Variants in GNB1L observed in about 807,000 individuals in gnomAD.
The protein encoded by GNB1L is guanine nucleotide-binding protein subunit beta-like protein 1.
In GNB1L, 20 loss-of-function variants were observed where a neutral mutation model predicts 29.1. That is an observed-to-expected ratio of 0.69 (90% confidence interval 0.48 to 1.00). The LOEUF (loss-of-function observed/expected upper bound fraction) is 1.00. Among genes scored for constraint, GNB1L ranks in the 50% least tolerant of loss-of-function variants. The probability of loss-of-function intolerance (pLI) is 0.00; values close to 1 mark genes in which losing one functional copy is unlikely to be tolerated. For missense variants in GNB1L, 421 were observed against 464.9 expected (o/e 0.91, Z 0.87); for synonymous variants, 193 against 206.5 (o/e 0.93, Z 0.56).
At chr22:19,849,154 T>A (rs1236554986) in intron 2 of GNB1L, 1 of 985,296 alleles carries the variant, frequency 1.0e-6, no homozygotes, top group Non-Finnish European at 1.2e-6. Context: ...GGGTTTCTTC[T>A]GCCAGCTCAC....
At position 19,786,864 on chromosome 22, in the gene GNB1L, G is replaced by C. The variant is rs867022872; in HGVS notation, c.*1845C>G. ...CTCAGTGATATGAAAATACCTCCCGGAGTGCCCTACGCATCCTGGCGGCTA... is the reference window on the plus strand; with the variant it reads ...CTCAGTGATATGAAAATACCTCCCGCAGTGCCCTACGCATCCTGGCGGCTA... On this transcript the variant is annotated 3_prime_UTR_variant, in exon 8 of 8. Coordinates refer to ENST00000329517, the MANE Select transcript of GNB1L (RefSeq NM_053004.3). The C allele has an allele frequency of 2.6e-5, 4 of 152,294 alleles. No individual in the cohort carries two copies. Among genetic ancestry groups the C allele is most frequent in the Non-Finnish European group, 5.9e-5 (4 of 68,100 alleles). 9.4% of individuals were successfully genotyped at this position (152,294 alleles called of 1,614,324 possible).
In GNB1L at chr22:19,816,877, C is replaced by T. The variant is rs919102472; in HGVS notation, c.254+3721G>A. On this transcript the variant is annotated intron_variant, in intron 4 of 7. Coordinates refer to ENST00000329517, the MANE Select transcript of GNB1L (RefSeq NM_053004.3). This position sits in a 1 kb window ranked among gnomAD's most constrained non-coding sequence, Gnocchi z 4.4. ...CTCCTGGCCTCCCAGGCTGCCGCTG[C>T]CACACCACCCCCCCAACCCTGCTTC... 6.6e-6 allele frequency among the ~76,000 whole-genome samples: 1 copy of T among 152,194 alleles called. No individual in the cohort carries two copies. The highest frequency in any genetic ancestry group is 1.5e-5 in the Non-Finnish European group (1 of 68,032).
intron 2 of GNB1L, chr22:19,846,344 C>A: frequency 2.3e-6 from 2 of 862,032 alleles, no homozygotes; most frequent in Non-Finnish European, 2.8e-6. Context: ...CTTTGTACCC[C>A]CCAGGTAGGG....
chr22:19,843,175 G>A (rs754161198), intron 2 of GNB1L, among the ~76,000 whole-genome samples: 6 of 152,176 alleles, frequency 3.9e-5, no homozygotes, highest in Admixed American at 2.6e-4. Context: ...CTCTCAGCCC[G>A]TCTGTCAACA....
At chr22:19,848,679 C>T in intron 2 of GNB1L, 2 of 985,452 alleles carry the variant, frequency 2.0e-6, no homozygotes, top group Non-Finnish European at 2.4e-6. Context: ...TCAAGCCTGC[C>T]TAGGTGGATG....
At chr22:19,828,877 G>A (rs1408701912) in intron 2 of GNB1L, among the ~76,000 whole-genome samples, 1 of 151,414 alleles carries the variant, frequency 6.6e-6, no homozygotes, top group Non-Finnish European at 1.5e-5. Flanking sequence ...TGTCACCCAG[G>A]CTGGAGTGCA....
intron 2 of GNB1L, 92 bp from the exon 3 acceptor site, chr22:19,821,467 C>T (rs1937578888): frequency 7.9e-7 from 1 of 1,273,386 alleles, no homozygotes; most frequent in African/African-American, 1.5e-5. Context: ...GAGATGTTGC[C>T]CCTGCTCATT....
At position 19,812,431 on chromosome 22, in the gene GNB1L, T is replaced by G. The variant is rs748472617; in HGVS notation, c.271A>C (p.Lys91Gln). The change falls in exon 5 of 8, where the codon AAG becomes CAG. Residue 91 changes from lysine (K) to glutamine (Q), a missense_variant. Coordinates refer to ENST00000329517, the MANE Select transcript of GNB1L (RefSeq NM_053004.3). Reference protein sequence around the residue: ...RQLLSQGRDLKLCLWDLAEGR... With the variant: ...RQLLSQGRDLQLCLWDLAEGR... ...TCCGCGAGGTCCCACAGGCACAGCT[T>G]CAGGTCCCGGCCCTGACTGCCAGAC... 6.2e-7 allele frequency: 1 copy of G among 1,612,752 alleles called. No individual in the cohort carries two copies. Among genetic ancestry groups the G allele is most frequent in the East Asian group, 2.2e-5 (1 of 44,840 alleles).
intron 7 of GNB1L, 52 bp from the exon 8 acceptor site, chr22:19,789,012 G>A: frequency 1.3e-6 from 2 of 1,538,960 alleles, no homozygotes; most frequent in Non-Finnish European, 1.8e-6. Flanking sequence ...ACAAGGCAGT[G>A]CTGCCCCTGG....
At chr22:19,852,395 A>C in intron 2 of GNB1L, 1 of 925,126 alleles carries the variant, frequency 1.1e-6, no homozygotes, top group Non-Finnish European at 1.6e-6. Flanking sequence ...GGTCCAGGCA[A>C]GTGCTGAGGA....
chr22:19,820,722 A>G lies in GNB1L; in HGVS notation c.130T>C (p.Ser44Pro), dbSNP rs1376315773. Residue 44 changes from serine to proline, a missense_variant and splice_region_variant, in exon 4 of 8, where the codon TCT becomes CCT. By Grantham distance (74) the Ser-to-Pro change is moderately conservative (BLOSUM62 -1). Coordinates refer to ENST00000329517, the MANE Select transcript of GNB1L (RefSeq NM_053004.3). ...CAGATGTGTACCAGGCCACTCTGAG[A>G]CCTGTTTCAGACAAGCCGAGCAGGG... ...AQGRPLLFSGSQSGLVHIWSL... is the reference protein window; with the variant it reads ...AQGRPLLFSGPQSGLVHIWSL... 2 of 1,610,260 alleles carry G rather than the reference A, an allele frequency of 1.2e-6. No homozygotes were observed. The highest frequency in any genetic ancestry group is 1.1e-5 in the South Asian group (1 of 90,950).
At chr22:19,835,401 CAAA>C (rs138573984) in intron 2 of GNB1L, among the ~76,000 whole-genome samples, 1 of 141,942 alleles carries the variant, frequency 7.0e-6, no homozygotes, top group East Asian at 2.0e-4. Flanking sequence ...AACAAACAAA[CAAA>C]AAAAAAACCT....
At chr22:19,851,705 G>A in intron 2 of GNB1L, 1 of 1,602,492 alleles carries the variant, frequency 6.2e-7, no homozygotes, top group Non-Finnish European at 8.5e-7. Context: ...ATGGTACTCA[G>A]CAAAACTGTT....
At chr22:19,844,208 C>T (rs1937913628) in intron 2 of GNB1L, among the ~76,000 whole-genome samples, 1 of 152,228 alleles carries the variant, frequency 6.6e-6, no homozygotes, top group Non-Finnish European at 1.5e-5. Context: ...AGATCAGTCA[C>T]TTTTGCTGGG....
At position 19,816,827 on chromosome 22, in the gene GNB1L, G is replaced by A. The variant is rs909999128; in HGVS notation, c.254+3771C>T. Among the ~76,000 whole-genome samples the A allele has an allele frequency of 2.6e-5, 4 of 152,060 alleles. No individual in the cohort carries two copies. The highest frequency in any genetic ancestry group is 9.7e-5 in the African/African-American group (4 of 41,404). ...ATGTTCACTGACATGCCCAACAAGC[G>A]AGCCTGCCACCTGCCCTCACCAACC... On this transcript the variant is annotated intron_variant, in intron 4 of 7. Transcript: ENST00000329517. This position sits in a 1 kb window ranked among gnomAD's most constrained non-coding sequence, Gnocchi z 4.4.
At chr22:19,826,737 C>T (rs1245878789) in intron 2 of GNB1L, among the ~76,000 whole-genome samples, 1 of 151,668 alleles carries the variant, frequency 6.6e-6, no homozygotes, top group Non-Finnish European at 1.5e-5. Flanking sequence ...CCACTTTCAC[C>T]ACTGAGAAAA....
chr22:19,850,536 T>G, intron 2 of GNB1L: 1 of 1,087,122 alleles, frequency 9.2e-7, no homozygotes. Context: ...CATCCCACCT[T>G]CCTGCATCCA....
At chr22:19,823,981 A>G (rs1937599794) in intron 2 of GNB1L, among the ~76,000 whole-genome samples, 1 of 152,198 alleles carries the variant, frequency 6.6e-6, no homozygotes, top group African/African-American at 2.4e-5. Context: ...CCCACATGCC[A>G]CCTGCCTGGG....
chr22:19,847,803 GCAAAA>G lies in GNB1L; in HGVS notation c.-21+6635_-21+6639del, dbSNP rs1005514045. 4.5e-5 allele frequency: 20 copies of G among 440,432 alleles called. No homozygotes were observed. In the African/African-American group the frequency reaches 6.8e-4, roughly 15 times the overall value. 27.3% of individuals were successfully genotyped at this position (440,432 alleles called of 1,614,324 possible). ...AACTTTTAAAATCCTGGAATCATAG[GCAAAA>G]AAAAAAAAAAAAAAAAATTCACCCA... On this transcript the variant is annotated intron_variant, in intron 2 of 7. Transcript: ENST00000329517.
Sources: allele counts gnomAD v4.1 joint callset (sites outside exome capture counted in the v4.1 genomes callset), GRCh38; gene constraint gnomAD v4.1.1; non-coding constraint Gnocchi (gnomAD v3.1); transcripts MANE v1.5; gene names NCBI Gene and HGNC (gene_info 2026-07-23, HGNC 2026-07-21).